The following NAV2 variants were observed in gnomAD, a reference collection of about 807,000 sequenced individuals.
NAV2 encodes neuron navigator 2.
Under a neutral mutation model 223.2 loss-of-function variants are expected in NAV2, and 54 were observed. That is an observed-to-expected ratio of 0.24 (90% CI 0.19 to 0.30). NAV2 has a LOEUF of 0.30. NAV2 is among the 10% of genes least tolerant of loss of function. The pLI is 1.00. For missense variants in NAV2, 2,806 were observed against 3,147.5 expected (o/e 0.89, Z 2.60); for synonymous variants, 1,279 against 1,239.3 (o/e 1.03, Z -0.67).
intron 1 of NAV2, chr11:19,384,777 C>T (rs1374851704): frequency 2.6e-5 from 4 of 152,184 alleles, no homozygotes; most frequent in Admixed American, 1.3e-4. Flanking sequence ...GGTATGGAAG[C>T]GTTCAGTGCG....
intron 26 of NAV2, among the ~76,000 whole-genome samples, chr11:20,085,451 T>C (rs1295556823): frequency 2.0e-5 from 3 of 152,150 alleles, no homozygotes; most frequent in Admixed American, 1.3e-4. Flanking sequence ...TGCTGTGAAT[T>C]AAAACAGTGC....
intron 1 of NAV2, among the ~76,000 whole-genome samples, chr11:19,499,029 T>C (rs1248474716): frequency 6.6e-6 from 1 of 152,226 alleles, no homozygotes; most frequent in Admixed American, 6.5e-5. Flanking sequence ...CATCTGTCTA[T>C]AGCTCATTCA....
intron 1 of NAV2, among the ~76,000 whole-genome samples, chr11:19,383,076 T>C (rs1051571934): frequency 3.3e-5 from 5 of 152,222 alleles, no homozygotes; most frequent in Admixed American, 1.3e-4. Context: ...ATTTTTCTTG[T>C]TAACTGAGGC....
At chr11:19,351,976 AGTGTGTGTGTGT>A (rs59544307) in intron 1 of NAV2, among the ~76,000 whole-genome samples, 1 of 145,578 alleles carries the variant, frequency 6.9e-6, no homozygotes, top group Non-Finnish European at 1.5e-5. Flanking sequence ...TCTCTCTGTG[AGTGTGTGTGTGT>A]GTGTGTGTGT....
chr11:19,690,057 G>A (rs755843636), intron 1 of NAV2, among the ~76,000 whole-genome samples: 2 of 152,104 alleles, frequency 1.3e-5, no homozygotes, highest in African/African-American at 4.8e-5. Context: ...TGCAACCTCC[G>A]CCTCCCGGGT....
intron 1 of NAV2, among the ~76,000 whole-genome samples, chr11:19,700,710 C>T (rs1259365518): frequency 3.3e-5 from 5 of 152,198 alleles, no homozygotes. Context: ...CCTTTCAGAT[C>T]CTGGCCCCAA....
At chr11:19,772,221 G>T (rs2055773090) in intron 1 of NAV2, among the ~76,000 whole-genome samples, 1 of 152,198 alleles carries the variant, frequency 6.6e-6, no homozygotes, top group Admixed American at 6.5e-5. Context: ...TTGCAAAAAT[G>T]TCTGCACACA....
intron 1 of NAV2, among the ~76,000 whole-genome samples, chr11:19,584,698 T>A (rs1303442752): frequency 6.6e-6 from 1 of 152,230 alleles, no homozygotes; most frequent in African/African-American, 2.4e-5. Flanking sequence ...TTTGAGTGAT[T>A]TTCTTAATCT....
At chr11:19,823,935 AAAG>A (rs2059522929) in intron 1 of NAV2, among the ~76,000 whole-genome samples, 1 of 152,176 alleles carries the variant, frequency 6.6e-6, no homozygotes, top group African/African-American at 2.4e-5. Context: ...CAAGAAAAGA[AAAG>A]AAAAAGTGCA....
At chr11:19,846,077 G>T (rs1459727891) in intron 3 of NAV2, among the ~76,000 whole-genome samples, 1 of 152,182 alleles carries the variant, frequency 6.6e-6, no homozygotes, top group Non-Finnish European at 1.5e-5. Context: ...GGCAAGGAAG[G>T]TTCCTAAATA....
At position 19,517,744 on chromosome 11, in the gene NAV2, C is replaced by G. The variant is rs140771835; in HGVS notation, c.75+166717C>G. On this transcript the variant is annotated intron_variant, in intron 1 of 37. Coordinates refer to the NAV2 transcript ENST00000360655. The stretch of plus-strand genomic sequence containing the variant: ...TCAGTCAGGGTTCTGTGGTTCCCAC[C>G]CTGGTGTCCCCTAAGACCCTTTGCA... Among the ~76,000 whole-genome samples, 577 of 152,300 alleles carry G rather than the reference C, an allele frequency of 3.8e-3. 5 individuals are homozygous for G. The highest frequency in any genetic ancestry group is 0.013 in the African/African-American group (546 of 41,570).
chr11:19,461,544 T>A (rs999332122), intron 1 of NAV2, among the ~76,000 whole-genome samples: 2 of 152,200 alleles, frequency 1.3e-5, no homozygotes, highest in South Asian at 2.1e-4. Flanking sequence ...TAGCTGCTGT[T>A]AATTGAGAAC....
In NAV2 at chr11:19,841,743, C is replaced by CT. The variant is rs1459786606; in HGVS notation, c.386-1125dup. On this transcript the variant is annotated intron_variant, in intron 2 of 37. Coordinates refer to ENST00000349880, the MANE Select transcript of NAV2 (RefSeq NM_145117.5). Reference sequence around the variant, plus strand: ...TTCAAGAGGAAGCTAACCCTTAGTCCTTTACTGTGGAGCCCTAGCTGAGTT... The same window carrying CT: ...TTCAAGAGGAAGCTAACCCTTAGTCCTTTTACTGTGGAGCCCTAGCTGAGTT... Among the ~76,000 whole-genome samples, 11 of 152,262 alleles carry CT rather than the reference C, an allele frequency of 7.2e-5. No individual in the cohort carries two copies. The East Asian group carries it at 1.5e-3, about 21-fold the overall frequency.
intron 1 of NAV2, among the ~76,000 whole-genome samples, chr11:19,579,638 C>T (rs1320816369): frequency 6.6e-6 from 1 of 152,170 alleles, no homozygotes; most frequent in African/African-American, 2.4e-5. Context: ...CGTTGTAAGG[C>T]AATAAGAAAG....
intron 36 of NAV2, among the ~76,000 whole-genome samples, chr11:20,112,574 G>T (rs1345066785): frequency 6.6e-6 from 1 of 152,196 alleles, no homozygotes; most frequent in Non-Finnish European, 1.5e-5. Context: ...AATGAGCCCA[G>T]CAGGCTGTCA....
At chr11:19,768,948 T>C (rs2004083) in intron 1 of NAV2, among the ~76,000 whole-genome samples, 46,375 of 152,024 alleles carry the variant, frequency 0.31, 7,128 homozygotes, top group Admixed American at 0.33. Context: ...GAGGAGGGTA[T>C]TTGGATAGGA....
At chr11:19,810,387 T>G (rs1377332781) in intron 1 of NAV2, among the ~76,000 whole-genome samples, 1 of 152,152 alleles carries the variant, frequency 6.6e-6, no homozygotes, top group African/African-American at 2.4e-5. Context: ...GATCCCTGGT[T>G]CTTTTGGTTG....
chr11:19,925,213 C>T (rs552552023), intron 6 of NAV2, among the ~76,000 whole-genome samples: 7 of 152,056 alleles, frequency 4.6e-5, no homozygotes, highest in Non-Finnish European at 1.0e-4. Flanking sequence ...ATATTCCATC[C>T]GGTTCTGTAG....
At chr11:19,631,227 G>A (rs966100006) in intron 1 of NAV2, among the ~76,000 whole-genome samples, 35 of 151,782 alleles carry the variant, frequency 2.3e-4, no homozygotes, top group Non-Finnish European at 3.7e-4. Flanking sequence ...TCTAGCATTA[G>A]GTATATCTCC....
Sources: gnomAD v4.1 joint callset for allele counts (sites outside exome capture counted in the v4.1 genomes callset) on GRCh38, gnomAD v4.1.1 for gene constraint, MANE v1.5 for transcripts, NCBI Gene and HGNC (gene_info 2026-07-23, HGNC 2026-07-21) for gene names.